NECTIN1: variants seen among roughly 807,000 people sequenced by gnomAD.
NECTIN1 encodes the protein nectin cell adhesion molecule 1, also known as nectin-1.
NECTIN1 carries 23 observed loss-of-function variants against 48.0 expected under a neutral mutation model. The ratio of observed to expected loss-of-function variants is 0.48; its 90% CI spans 0.34 to 0.68. The LOEUF (loss-of-function observed/expected upper bound fraction) is 0.68. Ranked by LOEUF, NECTIN1 falls within the 30% of genes least tolerant of loss-of-function variation. The pLI is 0.01. For synonymous variants in NECTIN1, 270 were observed against 288.9 expected (o/e 0.93, Z 0.66); for missense variants, 591 against 709.9 (o/e 0.83, Z 1.90).
At chr11:119,644,367 A>G (rs1430040323) in intron 5 of NECTIN1, among the ~76,000 whole-genome samples, 1 of 152,200 alleles carries the variant, frequency 6.6e-6, no homozygotes, top group Non-Finnish European at 1.5e-5. Context: ...GTCACACCCA[A>G]GTAGCCAGCA....
intron 5 of NECTIN1, among the ~76,000 whole-genome samples, chr11:119,649,458 C>A (rs903738590): frequency 3.3e-5 from 5 of 151,112 alleles, no homozygotes; most frequent in African/African-American, 9.7e-5. Context: ...GAGGTCAAGG[C>A]GGGTGGATTG....
chr11:119,694,932 C>T (rs1032810498), intron 1 of NECTIN1, among the ~76,000 whole-genome samples: 2 of 151,950 alleles, frequency 1.3e-5, no homozygotes, highest in Admixed American at 6.6e-5. Flanking sequence ...CCCCTTGACT[C>T]TCCTTCTGAA....
In NECTIN1 at chr11:119,680,579, C is replaced by T. The variant is rs144801427; in HGVS notation, c.80-1814G>A. Among the ~76,000 whole-genome samples the T allele has an allele frequency of 9.5e-4, 145 of 152,324 alleles. 2 individuals are homozygous for T. Among genetic ancestry groups the T allele is most frequent in the African/African-American group, 3.3e-3 (138 of 41,566 alleles). On this transcript the variant is annotated intron_variant, in intron 1 of 5. Coordinates refer to ENST00000264025, the MANE Select transcript of NECTIN1 (RefSeq NM_002855.5). ...GTAAGTTGCTCCCCTCTCTTCCGCT[C>T]GAGAGGCCACAGGCCAGGTCTCTAG...
At chr11:119,671,196 C>T (rs1864857095) in intron 5 of NECTIN1, among the ~76,000 whole-genome samples, 1 of 151,820 alleles carries the variant, frequency 6.6e-6, no homozygotes, top group African/African-American at 2.4e-5. Context: ...CCCCCTCCAT[C>T]CCTCCAGCTG....
intron 1 of NECTIN1, among the ~76,000 whole-genome samples, chr11:119,702,169 T>C (rs1422479941): frequency 6.6e-6 from 1 of 152,178 alleles, no homozygotes; most frequent in African/African-American, 2.4e-5. Context: ...ATCTCATCTC[T>C]AGACACTGGA....
Position 119,664,670 on chromosome 11 carries a change from G to T in NECTIN1, c.*77C>A. On this transcript the variant is annotated 3_prime_UTR_variant, in exon 6 of 6. Transcript: ENST00000264025. ...AGTCTCTGTTCAGCTCCTGGAGTGG[G>T]AGGTGGGGGGTGGGCAGGGGGCGTG... The T allele has an allele frequency of 6.8e-7, 1 of 1,473,012 alleles. No homozygotes were observed. The highest frequency in any genetic ancestry group is 1.4e-5 in the South Asian group (1 of 72,692). 91.2% of individuals were successfully genotyped at this position (1,473,012 alleles called of 1,614,324 possible). A position where few individuals can be genotyped will look rare whatever the true frequency, so the allele number is the denominator to read the frequency against.
Position 119,677,274 on chromosome 11 carries a change from C to A in NECTIN1, c.734-55G>T. Reference sequence around the variant, plus strand: ...GAGGTCAGGAGAGCGGGACTTAGAACAAGGGAACTTCAGCCAGGAAGGGAT... The same window carrying A: ...GAGGTCAGGAGAGCGGGACTTAGAAAAAGGGAACTTCAGCCAGGAAGGGAT... On this transcript the variant is annotated intron_variant, in intron 3 of 5. Transcript: ENST00000264025. The surrounding 1 kb of genome is among the most constrained non-coding windows in gnomAD (Gnocchi z 5.4). 1 of 1,472,924 alleles carries A rather than the reference C, an allele frequency of 6.8e-7. No homozygotes were observed. The highest frequency in any genetic ancestry group is 1.7e-5 in the Admixed American group (1 of 59,824). 91.2% of individuals were successfully genotyped at this position (1,472,924 alleles called of 1,614,324 possible). A position where few individuals can be genotyped will look rare whatever the true frequency, so the allele number is the denominator to read the frequency against.
intron 1 of NECTIN1, among the ~76,000 whole-genome samples, chr11:119,690,431 G>A (rs1865233728): frequency 6.6e-6 from 1 of 152,242 alleles, no homozygotes; most frequent in African/African-American, 2.4e-5. Context: ...TTTATCCGAT[G>A]TGCTTCAATG....
chr11:119,702,803 T>C (rs1865480273), intron 1 of NECTIN1, among the ~76,000 whole-genome samples: 1 of 152,250 alleles, frequency 6.6e-6, no homozygotes, highest in South Asian at 2.1e-4. Flanking sequence ...CAGTAGATGG[T>C]AGCTTTTGGC....
At chr11:119,692,937 G>A (rs1865284229) in intron 1 of NECTIN1, among the ~76,000 whole-genome samples, 2 of 152,216 alleles carry the variant, frequency 1.3e-5, no homozygotes, top group Admixed American at 6.5e-5. Flanking sequence ...TGCTGGCAGT[G>A]CTGGCCTGAG....
chr11:119,691,267 A>C (rs1357815568), intron 1 of NECTIN1, among the ~76,000 whole-genome samples: 1 of 152,244 alleles, frequency 6.6e-6, no homozygotes, highest in Non-Finnish European at 1.5e-5. Flanking sequence ...CATGGCCCTC[A>C]GTGCAGCAGC....
chr11:119,676,570 G>A (rs1267890844), intron 4 of NECTIN1, among the ~76,000 whole-genome samples: 1 of 152,220 alleles, frequency 6.6e-6, no homozygotes, highest in African/African-American at 2.4e-5. Context: ...GAAGGCGAAG[G>A]CAAGGCAAGG....
intron 1 of NECTIN1, among the ~76,000 whole-genome samples, chr11:119,686,076 C>T (rs1275635592): frequency 6.6e-6 from 1 of 152,176 alleles, no homozygotes; most frequent in East Asian, 1.9e-4. Flanking sequence ...CCAGGAAAAT[C>T]CAGGCCACAG....
intron 1 of NECTIN1, among the ~76,000 whole-genome samples, chr11:119,679,176 G>A (rs912716237): frequency 1.4e-4 from 21 of 152,300 alleles, no homozygotes; most frequent in Non-Finnish European, 2.5e-4. Context: ...TTCGAGCAGA[G>A]CCCCAGCCTA....
In NECTIN1 at chr11:119,709,256, G is replaced by T. The variant is rs998499413; in HGVS notation, c.79+19219C>A. The stretch of plus-strand genomic sequence containing the variant: ...TAACACCGTGAAAACAGAACTGTCT[G>T]TTCAGAAATAAGAGACCCCCTCACT... On this transcript the variant is annotated intron_variant, in intron 1 of 5. Transcript: ENST00000264025. This position sits in a 1 kb window ranked among gnomAD's most constrained non-coding sequence, Gnocchi z 4.1. Among the ~76,000 whole-genome samples the T allele has an allele frequency of 1.3e-5, 2 of 152,126 alleles. No homozygotes were observed. Among genetic ancestry groups the T allele is most frequent in the Non-Finnish European group, 1.5e-5 (1 of 68,006 alleles).
chr11:119,689,832 G>A (rs1263695371), intron 1 of NECTIN1, among the ~76,000 whole-genome samples: 1 of 152,210 alleles, frequency 6.6e-6, no homozygotes, highest in East Asian at 1.9e-4. Flanking sequence ...CTCTTGGACA[G>A]CGAGTGGGGA....
chr11:119,680,514 AC>A (rs1865041827), intron 1 of NECTIN1, among the ~76,000 whole-genome samples: 1 of 152,324 alleles, frequency 6.6e-6, no homozygotes, highest in African/African-American at 2.4e-5. Context: ...TTGTAGCAAC[AC>A]AGGCTCCTCT....
intron 5 of NECTIN1, chr11:119,674,608 C>A (rs1565386356): frequency 6.2e-7 from 1 of 1,614,234 alleles, no homozygotes; most frequent in Non-Finnish European, 8.5e-7. Flanking sequence ...CATCCTAGCT[C>A]TTGTCCTCCC....
intron 5 of NECTIN1, among the ~76,000 whole-genome samples, chr11:119,667,022 G>T (rs1460808753): frequency 6.6e-6 from 1 of 152,050 alleles, no homozygotes; most frequent in African/African-American, 2.4e-5. Context: ...GGAGGACCCC[G>T]CTCCCCACCT....
Sources: gnomAD v4.1 joint callset for allele counts (sites outside exome capture counted in the v4.1 genomes callset) on GRCh38, gnomAD v4.1.1 for gene constraint, Gnocchi (gnomAD v3.1) non-coding constraint, MANE v1.5 for transcripts, NCBI Gene and HGNC (gene_info 2026-07-23, HGNC 2026-07-21) for gene names.